Variants in ERBB4 observed in about 807,000 individuals in gnomAD.
ERBB4 encodes the protein receptor tyrosine-protein kinase erbB-4.
In ERBB4, 42 loss-of-function variants were observed where a neutral mutation model predicts 158.0. The ratio of observed to expected loss-of-function variants is 0.27; its 90% CI spans 0.21 to 0.34. The LOEUF is 0.34. ERBB4 is among the 10% of genes least tolerant of loss of function. The pLI is 1.00. For missense variants in ERBB4, 1,333 were observed against 1,624.1 expected, an observed-to-expected ratio of 0.82 and a Z score of 3.08; for synonymous variants, 583 against 558.7, an observed-to-expected ratio of 1.04 and a Z score of -0.61.
intron 5 of ERBB4, among the ~76,000 whole-genome samples, chr2:211,746,905 A>G (rs2106199511): frequency 6.6e-6 from 1 of 152,038 alleles, no homozygotes; most frequent in East Asian, 1.9e-4. Context: ...TAAGGACAGC[A>G]GTGTAGCTGG....
At chr2:211,601,620 A>G (rs1417263232) in intron 19 of ERBB4, among the ~76,000 whole-genome samples, 1 of 152,228 alleles carries the variant, frequency 6.6e-6, no homozygotes, top group Non-Finnish European at 1.5e-5. Context: ...CTGCAATAAC[A>G]GCAATACTGG....
chr2:212,193,465 G>C (rs1300628752), intron 1 of ERBB4, among the ~76,000 whole-genome samples: 1 of 152,000 alleles, frequency 6.6e-6, no homozygotes, highest in Admixed American at 6.6e-5. Context: ...ATACAAATAA[G>C]AAGATAGAAA....
At chr2:211,605,959 T>C (rs914780335) in intron 19 of ERBB4, among the ~76,000 whole-genome samples, 2 of 152,000 alleles carry the variant, frequency 1.3e-5, no homozygotes, top group African/African-American at 4.8e-5. Context: ...CTAAGAGGTC[T>C]CCTAATTAGT....
intron 18 of ERBB4, among the ~76,000 whole-genome samples, chr2:211,623,420 G>A (rs561810321): frequency 3.0e-4 from 46 of 152,136 alleles, no homozygotes; most frequent in Non-Finnish European, 6.0e-4. Context: ...TGATTTAGAA[G>A]CTAGTTCCAA....
chr2:211,494,366 T>C (rs2065418398), intron 20 of ERBB4, among the ~76,000 whole-genome samples: 1 of 151,870 alleles, frequency 6.6e-6, no homozygotes, highest in African/African-American at 2.4e-5. Context: ...TTAGCTCAGC[T>C]CTGAAACAAG....
chr2:211,838,050 T>C (rs1384746545), intron 3 of ERBB4, among the ~76,000 whole-genome samples: 2 of 151,994 alleles, frequency 1.3e-5, no homozygotes, highest in Admixed American at 6.6e-5. Flanking sequence ...CACAGTGCTA[T>C]TTCATGGGTA....
At chr2:212,532,788 C>G (rs1414633822) in intron 1 of ERBB4, among the ~76,000 whole-genome samples, 3 of 152,148 alleles carry the variant, frequency 2.0e-5, no homozygotes, top group Non-Finnish European at 4.4e-5. Context: ...GGCTGCTGCC[C>G]CCTGGAGTTG....
intron 2 of ERBB4, among the ~76,000 whole-genome samples, chr2:211,963,480 G>A (rs1160075671): frequency 6.6e-6 from 1 of 152,032 alleles, no homozygotes; most frequent in Admixed American, 6.6e-5. Context: ...TATACATTAT[G>A]AGGAAAATTT....
At position 211,383,063 on chromosome 2, in the gene ERBB4, G is replaced by C. The variant is rs975066154; in HGVS notation, c.*552C>G. The C allele has an allele frequency of 4.3e-6, 1 of 232,596 alleles. No homozygotes were observed. Among genetic ancestry groups the C allele is most frequent in the Non-Finnish European group, 8.5e-6 (1 of 117,872 alleles). The allele number at this position is 232,596 out of a possible 1,614,324, so 14.4% of individuals were successfully genotyped here. ...TGAGTTGGCCATTCTTACTTGCTAGGACAGAAACTGCTGGGGAAAGAAACT... is the reference window on the plus strand; with the variant it reads ...TGAGTTGGCCATTCTTACTTGCTAGCACAGAAACTGCTGGGGAAAGAAACT... On this transcript the variant is annotated 3_prime_UTR_variant, in exon 28 of 28. Transcript: ENST00000342788.
At chr2:212,496,345 T>G (rs1690571775) in intron 1 of ERBB4, among the ~76,000 whole-genome samples, 1 of 151,804 alleles carries the variant, frequency 6.6e-6, no homozygotes, top group Admixed American at 6.6e-5. Context: ...TGCACGTGCA[T>G]GCATACACAC....
At chr2:211,758,421 A>G (rs2075334062) in intron 4 of ERBB4, among the ~76,000 whole-genome samples, 1 of 152,218 alleles carries the variant, frequency 6.6e-6, no homozygotes, top group South Asian at 2.1e-4. Context: ...CTAAAAGACT[A>G]AAAGCTTTTA....
intron 9 of ERBB4, among the ~76,000 whole-genome samples, chr2:211,710,206 C>T (rs1343486443): frequency 6.6e-6 from 1 of 152,006 alleles, no homozygotes; most frequent in Non-Finnish European, 1.5e-5. Flanking sequence ...TTGTCTAATG[C>T]AATTCATGTG....
At chr2:211,595,112 T>C (rs1011944929) in intron 19 of ERBB4, among the ~76,000 whole-genome samples, 8 of 152,236 alleles carry the variant, frequency 5.3e-5, no homozygotes, top group Admixed American at 4.6e-4. Flanking sequence ...TAAGAAAGAT[T>C]CAAATAAAAT....
intron 16 of ERBB4, among the ~76,000 whole-genome samples, chr2:211,641,036 C>A (rs985132575): frequency 6.6e-6 from 1 of 152,036 alleles, no homozygotes; most frequent in Non-Finnish European, 1.5e-5. Flanking sequence ...AAATCTATAT[C>A]ATTTCATTCA....
chr2:211,554,116 C>T (rs756272001), intron 20 of ERBB4, among the ~76,000 whole-genome samples: 5 of 152,200 alleles, frequency 3.3e-5, no homozygotes, highest in South Asian at 2.1e-4. Context: ...TCCGGAGTGC[C>T]GTTGAAGAAG....
At chr2:211,585,971 A>G (rs2068263031) in intron 19 of ERBB4, among the ~76,000 whole-genome samples, 1 of 152,228 alleles carries the variant, frequency 6.6e-6, no homozygotes, top group Non-Finnish European at 1.5e-5. Context: ...ATACTTCAAT[A>G]GCTTATTTTT....
intron 20 of ERBB4, among the ~76,000 whole-genome samples, chr2:211,532,069 T>C (rs2066514216): frequency 6.6e-6 from 1 of 151,956 alleles, no homozygotes; most frequent in Non-Finnish European, 1.5e-5. Context: ...TTCTCACTTA[T>C]TAGTGGGAGC....
intron 1 of ERBB4, among the ~76,000 whole-genome samples, chr2:212,165,330 T>G (rs971088778): frequency 1.3e-5 from 2 of 151,714 alleles, no homozygotes; most frequent in African/African-American, 4.8e-5. Flanking sequence ...ATATATTTAC[T>G]GAGATTTTTG....
At chr2:212,439,008 A>G (rs1206252151) in intron 1 of ERBB4, among the ~76,000 whole-genome samples, 1 of 152,120 alleles carries the variant, frequency 6.6e-6, no homozygotes, top group South Asian at 2.1e-4. Flanking sequence ...TGTGTTAGAA[A>G]AACTGGATGC....
Sources: allele counts gnomAD v4.1 joint callset (sites outside exome capture counted in the v4.1 genomes callset), GRCh38; gene constraint gnomAD v4.1.1; transcripts MANE v1.5; gene names NCBI Gene and HGNC (gene_info 2026-07-23, HGNC 2026-07-21).